ANGPT4: variants seen among roughly 807,000 people sequenced by gnomAD.
ANGPT4 encodes angiopoietin-4.
Under a neutral mutation model 53.0 loss-of-function variants are expected in ANGPT4, and 50 were observed. That is an observed-to-expected ratio of 0.94 (90% confidence interval 0.75 to 1.20). The LOEUF (loss-of-function observed/expected upper bound fraction) is 1.20. Among genes scored for constraint, ANGPT4 ranks in the 50% most tolerant of loss-of-function variants. The pLI, the probability that ANGPT4 is intolerant of heterozygous loss-of-function variation, is 0.00. For synonymous variants in ANGPT4, 251 were observed against 259.7 expected (o/e 0.97, Z 0.32); for missense variants, 648 against 637.1 (o/e 1.02, Z -0.18).
intron 5 of ANGPT4, among the ~76,000 whole-genome samples, chr20:880,302 A>AGG (rs58346146): frequency 6.6e-6 from 1 of 152,092 alleles, no homozygotes; most frequent in African/African-American, 2.4e-5. Context: ...GTATATTAAG[A>AGG]GGGGGTGAAA....
In ANGPT4 at chr20:872,937, C is replaced by A; in HGVS notation, c.*23G>T. ...CAAGTCCGAGCTTCTCCTGTGTGGT[C>A]CAGCCTCTGGCACAGCTGCTCGTTA... On this transcript the variant is annotated 3_prime_UTR_variant, in exon 9 of 9. Transcript: ENST00000381922. The A allele has an allele frequency of 6.2e-7, 1 of 1,613,280 alleles. No individual in the cohort carries two copies. The highest frequency in any genetic ancestry group is 1.1e-5 in the South Asian group (1 of 91,026).
intron 3 of ANGPT4, among the ~76,000 whole-genome samples, chr20:887,887 G>GAGGAAGGAAGGAAGGAAGGGAGGA (rs1981675154): frequency 6.6e-6 from 1 of 150,676 alleles, no homozygotes; most frequent in Non-Finnish European, 1.5e-5. Flanking sequence ...ATAAAAGAAG[G>GAGGAAGGAAGGAAGGAAGGGAGGA]AGGAAGGAAG....
intron 8 of ANGPT4, among the ~76,000 whole-genome samples, 173 bp downstream of exon 8, chr20:874,111 A>G (rs944109): frequency 0.49 from 75,250 of 152,052 alleles, 21,209 homozygotes; most frequent in African/African-American, 0.76. Context: ...CAAGGACTCA[A>G]TGGGGGAAGG....
Position 888,383 on chromosome 20 carries a change from G to A in ANGPT4, c.522C>T (p.Thr174=), listed in dbSNP as rs1356835602. 6.2e-7 allele frequency: 1 copy of A among 1,613,710 alleles called. No individual in the cohort carries two copies. The highest frequency in any genetic ancestry group is 1.7e-5 in the Admixed American group (1 of 59,998). The stretch of plus-strand genomic sequence containing the variant: ...GCAGCAGCTGGTTCTCCAGCTTGTT[G>A]GTGGACAGAAAGGTCTCTGGCATCT... ...DAQMPETFLS[T]NKLENQLLLQ... is the part of the protein sequence containing the mutation. Residue 174 remains threonine, a synonymous_variant, in exon 3 of 9, where the codon ACC becomes ACT. Transcript: ENST00000381922.
Position 870,593 on chromosome 20 carries a change from C to T in ANGPT4, c.*2367G>A, listed in dbSNP as rs992577484. 6.6e-6 allele frequency: 1 copy of T among 152,144 alleles called. No homozygotes were observed. Among genetic ancestry groups the T allele is most frequent in the Non-Finnish European group, 1.5e-5 (1 of 68,032 alleles). 9.4% of individuals were successfully genotyped at this position (152,144 alleles called of 1,614,324 possible). ...GATAACTCAAATCAGCTTCCTGCCC[C>T]CTTATAAAATGGGAGTAGAGAGGGA... is the stretch of plus-strand genomic sequence containing the variant. On this transcript the variant is annotated 3_prime_UTR_variant, in exon 9 of 9. Transcript: ENST00000381922.
Position 873,023 on chromosome 20 carries a change from G to A in ANGPT4, c.1449C>T (p.Tyr483=). ...KYKMDGIRWH[Y]FKGPSYSLRA... ...GCAGTGAGTAGCTGGGGCCCTTGAA[G>A]TAGTGCCAGCGGATGCCGTCCATCT... is the stretch of plus-strand genomic sequence containing the variant. The change falls in exon 9 of 9, where the codon TAC becomes TAT. Residue 483 remains tyrosine (Y), a synonymous_variant. Coordinates refer to ENST00000381922, the MANE Select transcript of ANGPT4 (RefSeq NM_015985.4). 1.2e-6 allele frequency: 2 copies of A among 1,614,186 alleles called. No individual in the cohort carries two copies. Among genetic ancestry groups the A allele is most frequent in the Non-Finnish European group, 1.7e-6 (2 of 1,180,034 alleles).
chr20:906,234 G>C (rs1440396754), intron 1 of ANGPT4, among the ~76,000 whole-genome samples: 1 of 152,178 alleles, frequency 6.6e-6, no homozygotes, highest in African/African-American at 2.4e-5. Flanking sequence ...AGGCCACTAT[G>C]GCCTGAGGAC....
intron 7 of ANGPT4, among the ~76,000 whole-genome samples, chr20:876,725 T>G (rs1170845726): frequency 1.3e-5 from 2 of 152,022 alleles, no homozygotes; most frequent in Non-Finnish European, 2.9e-5. Flanking sequence ...TAAATGGGAC[T>G]CAGCATAGTG....
chr20:876,786 T>A (rs891544791), intron 7 of ANGPT4, among the ~76,000 whole-genome samples: 4 of 151,654 alleles, frequency 2.6e-5, no homozygotes, highest in Admixed American at 6.6e-5. Flanking sequence ...ATCCAGGGAA[T>A]TTTTCATTCA....
intron 1 of ANGPT4, among the ~76,000 whole-genome samples, chr20:897,441 C>T (rs956111553): frequency 8.5e-5 from 13 of 152,196 alleles, no homozygotes; most frequent in South Asian, 4.1e-4. Flanking sequence ...CCTTCCAATT[C>T]GGGTTCCTTT....
At chr20:898,498 C>T (rs1185183389) in intron 1 of ANGPT4, among the ~76,000 whole-genome samples, 1 of 152,236 alleles carries the variant, frequency 6.6e-6, no homozygotes, top group Non-Finnish European at 1.5e-5. Flanking sequence ...TTAGATGCTT[C>T]ACAGCCCTAG....
At chr20:913,347 G>C (rs1982781871) in intron 1 of ANGPT4, among the ~76,000 whole-genome samples, 1 of 152,088 alleles carries the variant, frequency 6.6e-6, no homozygotes, top group South Asian at 2.1e-4. Context: ...GTGTCAGAGG[G>C]GGCAGAGAGA....
In ANGPT4 at chr20:890,275, C is replaced by G; in HGVS notation, c.403G>C (p.Gly135Arg). Reference sequence around the variant, plus strand: ...GTGGTCTGGTTCAGGAGGCTGGTGCCCAGCTCTAGCATGGGGGCCGTCTGA... The same window carrying G: ...GTGGTCTGGTTCAGGAGGCTGGTGCGCAGCTCTAGCATGGGGGCCGTCTGA... Reference protein sequence around the residue: ...QNQTAPMLELGTSLLNQTTAQ... With the variant: ...QNQTAPMLELRTSLLNQTTAQ... Residue 135 changes from glycine (G) to arginine (R), a missense_variant, in exon 2 of 9, where the codon GGC (glycine) becomes CGC (arginine). Physicochemically the swap from Gly to Arg is moderately radical, Grantham distance 125 (BLOSUM62 -2). Transcript: ENST00000381922. 6.2e-7 allele frequency: 1 copy of G among 1,614,004 alleles called. No homozygotes were observed. Among genetic ancestry groups the G allele is most frequent in the Non-Finnish European group, 8.5e-7 (1 of 1,179,990 alleles).
intron 1 of ANGPT4, among the ~76,000 whole-genome samples, chr20:906,236 C>A (rs1275527066): frequency 2.6e-5 from 4 of 152,156 alleles, no homozygotes; most frequent in African/African-American, 2.4e-5. Context: ...GCCACTATGG[C>A]CTGAGGACCC....
At chr20:897,056 C>T (rs1285100338) in intron 1 of ANGPT4, among the ~76,000 whole-genome samples, 6 of 152,204 alleles carry the variant, frequency 3.9e-5, no homozygotes, top group Non-Finnish European at 7.3e-5. Flanking sequence ...GTGACCCCTG[C>T]CCCTGCCCGC....
intron 1 of ANGPT4, among the ~76,000 whole-genome samples, chr20:915,239 GC>G (rs1982880794): frequency 6.8e-6 from 1 of 146,738 alleles, no homozygotes; most frequent in Non-Finnish European, 1.5e-5. Flanking sequence ...CCCCCCAGCT[GC>G]ATGGCCTGCC....
chr20:875,767 T>G (rs1355626789), intron 7 of ANGPT4, among the ~76,000 whole-genome samples: 1 of 152,026 alleles, frequency 6.6e-6, no homozygotes, highest in Admixed American at 6.6e-5. Context: ...TGCGGGGTGT[T>G]TGTATGGCAG....
chr20:880,768 A>T lies in ANGPT4; in HGVS notation c.951+403T>A, dbSNP rs1296360149. On this transcript the variant is annotated intron_variant, in intron 5 of 8. Coordinates refer to ENST00000381922, the MANE Select transcript of ANGPT4 (RefSeq NM_015985.4). ...GATTGAAAATGGTGGCACCTCTATT[A>T]GCCCTGGTTTCTAATTTCCCACATG... Among the ~76,000 whole-genome samples, 6 of 152,292 alleles carry T rather than the reference A, an allele frequency of 3.9e-5. No homozygotes were observed. The South Asian group carries it at 1.2e-3, about 32-fold the overall frequency.
chr20:895,570 G>A (rs1225590811), intron 1 of ANGPT4, among the ~76,000 whole-genome samples: 1 of 152,152 alleles, frequency 6.6e-6, no homozygotes, highest in Admixed American at 6.5e-5. Context: ...GGGAGAGGGG[G>A]TGATTCAGAC....
Sources: allele counts gnomAD v4.1 joint callset (sites outside exome capture counted in the v4.1 genomes callset), GRCh38; gene constraint gnomAD v4.1.1; transcripts MANE v1.5; gene names NCBI Gene and HGNC (gene_info 2026-07-23, HGNC 2026-07-21).